Variants in CDH6 observed in about 807,000 individuals in gnomAD.
CDH6 encodes the protein cadherin 6.
A neutral mutation model predicts 78.0 loss-of-function variants in CDH6; 31 were observed. That is an observed-to-expected ratio of 0.40 (90% CI 0.30 to 0.54). CDH6 has a LOEUF of 0.54. CDH6 is among the 20% of genes least tolerant of loss of function. The pLI, the probability that CDH6 is intolerant of heterozygous loss-of-function variation, is 0.56. For synonymous variants in CDH6, 376 were observed against 368.8 expected, an observed-to-expected ratio of 1.02 and a Z score of -0.23; for missense variants, 724 against 975.9, an observed-to-expected ratio of 0.74 and a Z score of 3.44.
intron 2 of CDH6, among the ~76,000 whole-genome samples, chr5:31,287,553 A>C (rs1168629177): frequency 2.0e-5 from 3 of 152,174 alleles, no homozygotes; most frequent in Non-Finnish European, 2.9e-5. Context: ...ATGGATGAGG[A>C]AATAAAGGCC....
intron 3 of CDH6, among the ~76,000 whole-genome samples, chr5:31,296,019 C>T (rs1175543687): frequency 6.6e-6 from 1 of 152,196 alleles, no homozygotes; most frequent in Non-Finnish European, 1.5e-5. Flanking sequence ...CCTCCCTTGC[C>T]AAATTACAAC....
chr5:31,298,955 G>T (rs1737681105), intron 4 of CDH6, among the ~76,000 whole-genome samples: 1 of 152,138 alleles, frequency 6.6e-6, no homozygotes, highest in East Asian at 1.9e-4. Context: ...AAAATCCTCA[G>T]AGCATTCGTT....
chr5:31,270,024 A>G (rs776308979), intron 2 of CDH6, among the ~76,000 whole-genome samples: 2 of 152,246 alleles, frequency 1.3e-5, no homozygotes, highest in Non-Finnish European at 2.9e-5. Context: ...TAAACAGATG[A>G]AACAATTAGA....
Position 31,196,544 on chromosome 5 carries a change from C to T in CDH6, c.-129+2658C>T, listed in dbSNP as rs1334300117. On this transcript the variant is annotated intron_variant, in intron 1 of 11. Transcript: ENST00000265071. ...TCAAACTTTTTTTAGTTGGAAGGGA[C>T]CTCTAGTGGGTCACTCCATGCATTT... is the stretch of plus-strand genomic sequence containing the variant. Among the ~76,000 whole-genome samples, 3 of 152,052 alleles carry T rather than the reference C, an allele frequency of 2.0e-5. No individual in the cohort carries two copies. The East Asian group carries it at 5.8e-4, about 29-fold the overall frequency.
At chr5:31,253,131 T>C (rs1741953742) in intron 1 of CDH6, among the ~76,000 whole-genome samples, 1 of 152,226 alleles carries the variant, frequency 6.6e-6, no homozygotes, top group Admixed American at 6.5e-5. Context: ...TCTTCCTGCT[T>C]TGTCCTCACA....
At chr5:31,300,340 C>T (rs114507916) in intron 5 of CDH6, among the ~76,000 whole-genome samples, 1,857 of 152,268 alleles carry the variant, frequency 0.012, 26 homozygotes, top group South Asian at 0.026. Context: ...CCTACGAAAG[C>T]TATCTCAATT....
chr5:31,235,888 T>C (rs1741441997), intron 1 of CDH6, among the ~76,000 whole-genome samples: 1 of 152,242 alleles, frequency 6.6e-6, no homozygotes, highest in East Asian at 1.9e-4. Flanking sequence ...TCTTTTCCTT[T>C]GATCAGAAAG....
chr5:31,302,394 CT>C, intron 6 of CDH6, 96 bp downstream of exon 6: 1 of 904,814 alleles, frequency 1.1e-6, no homozygotes, highest in Non-Finnish European at 1.6e-6. Context: ...ATAAACATTC[CT>C]TTAGATTTTT....
intron 2 of CDH6, among the ~76,000 whole-genome samples, chr5:31,273,139 AT>A (rs1418178151): frequency 3.9e-5 from 6 of 152,244 alleles, no homozygotes; most frequent in Non-Finnish European, 8.8e-5. Flanking sequence ...CTATAATTAC[AT>A]GATCCAAATT....
At chr5:31,256,276 T>G (rs186665437) in intron 1 of CDH6, among the ~76,000 whole-genome samples, 1 of 152,336 alleles carries the variant, frequency 6.6e-6, no homozygotes, top group African/African-American at 2.4e-5. Context: ...GGATTACTGA[T>G]GTCTCAAATG....
intron 1 of CDH6, among the ~76,000 whole-genome samples, chr5:31,200,633 C>T (rs1315909325): frequency 1.3e-5 from 2 of 149,078 alleles, no homozygotes; most frequent in Admixed American, 6.7e-5. Flanking sequence ...AGAAAACAAT[C>T]GCCACAAAAG....
At chr5:31,196,117 G>A (rs1740157848) in intron 1 of CDH6, among the ~76,000 whole-genome samples, 1 of 152,112 alleles carries the variant, frequency 6.6e-6, no homozygotes, top group Admixed American at 6.6e-5. Flanking sequence ...TTTCTACCAA[G>A]TTGCCTACTA....
intron 2 of CDH6, among the ~76,000 whole-genome samples, chr5:31,292,766 C>CGCGTGT (rs1737411413): frequency 4.8e-5 from 7 of 147,136 alleles, no homozygotes; most frequent in African/African-American, 1.3e-4. Flanking sequence ...TATATATGTG[C>CGCGTGT]GTGTGTGTAT....
intron 1 of CDH6, among the ~76,000 whole-genome samples, chr5:31,261,918 TA>T (rs1016478811): frequency 3.9e-5 from 6 of 151,996 alleles, no homozygotes; most frequent in African/African-American, 9.7e-5. Flanking sequence ...ATTCAATCAA[TA>T]AAAAAAATTC....
At chr5:31,217,044 C>T (rs1740885966) in intron 1 of CDH6, among the ~76,000 whole-genome samples, 2 of 152,054 alleles carry the variant, frequency 1.3e-5, no homozygotes, top group South Asian at 2.1e-4. Context: ...TGATATTCCT[C>T]ACAGTAATTC....
Position 31,324,464 on chromosome 5 carries a change from A to G in CDH6, c.*1156A>G, listed in dbSNP as rs1738568336. ...AACGTGATACATTTGGATAAACAAC[A>G]TTGAGATTATGATGAAAACCTACAT... On this transcript the variant is annotated 3_prime_UTR_variant, in exon 12 of 12. Transcript: ENST00000265071. 4.7e-6 allele frequency: 1 copy of G among 214,214 alleles called. No individual in the cohort carries two copies. Among genetic ancestry groups the G allele is most frequent in the East Asian group, 7.0e-5 (1 of 14,226 alleles). 13.3% of individuals were successfully genotyped at this position (214,214 alleles called of 1,614,324 possible).
intron 1 of CDH6, among the ~76,000 whole-genome samples, chr5:31,214,669 C>T (rs1413979530): frequency 6.6e-6 from 1 of 152,148 alleles, no homozygotes; most frequent in Non-Finnish European, 1.5e-5. Flanking sequence ...TTACTGATTG[C>T]AGATAAATTT....
At chr5:31,243,254 G>A (rs1274480374) in intron 1 of CDH6, among the ~76,000 whole-genome samples, 3 of 152,066 alleles carry the variant, frequency 2.0e-5, no homozygotes, top group African/African-American at 7.2e-5. Context: ...GAGGCAGTGC[G>A]GGCTGGTAAG....
At chr5:31,305,643 G>GA (rs2149954132) in intron 7 of CDH6, among the ~76,000 whole-genome samples, 1 of 152,170 alleles carries the variant, frequency 6.6e-6, no homozygotes, top group South Asian at 2.1e-4. Context: ...ATCCCTGGGG[G>GA]ATTGGTTCCA....
Sources: allele counts gnomAD v4.1 joint callset (sites outside exome capture counted in the v4.1 genomes callset), GRCh38; gene constraint gnomAD v4.1.1; transcripts MANE v1.5; gene names NCBI Gene and HGNC (gene_info 2026-07-23, HGNC 2026-07-21).